Variants in JADE3 observed in about 807,000 individuals in gnomAD.
The protein encoded by JADE3 is jade family PHD finger 3, also known as protein Jade-3.
Under a neutral mutation model 50.1 loss-of-function variants are expected in JADE3, and 2 were observed. That is an observed-to-expected ratio of 0.04 (90% CI 0.02 to 0.13). JADE3 has a LOEUF of 0.13. Ranked by LOEUF, JADE3 falls within the 10% of genes least tolerant of loss-of-function variation. The pLI is 1.00. For synonymous variants in JADE3, 218 were observed against 232.9 expected, an observed-to-expected ratio of 0.94 and a Z score of 0.58; for missense variants, 475 against 634.4, an observed-to-expected ratio of 0.75 and a Z score of 2.70.
intron 4 of JADE3, among the ~76,000 whole-genome samples, chrX:47,023,930 C>T (rs1928851465): frequency 1.8e-5 from 2 of 112,090 alleles, no homozygotes; most frequent in South Asian, 3.7e-4. Context: ...AACAAACAAA[C>T]AAATAAAGTA....
At chrX:46,945,200 C>T (rs1210779346) in intron 1 of JADE3, among the ~76,000 whole-genome samples, 1 of 109,816 alleles carries the variant, frequency 9.1e-6, no homozygotes, top group Non-Finnish European at 1.9e-5. Flanking sequence ...ATACAGCTGT[C>T]CTAAATGCCC....
chrX:46,983,011 A>G (rs782665148), intron 1 of JADE3, among the ~76,000 whole-genome samples: 18 of 110,746 alleles, frequency 1.6e-4, no homozygotes, highest in Non-Finnish European at 3.2e-4. Context: ...TGTTTTAATC[A>G]TGTCCTGGAA....
At position 47,054,271 on chromosome X, in the gene JADE3, C is replaced by T. The variant is rs782409483; in HGVS notation, c.1086C>T (p.Cys362=). 7.4e-6 allele frequency: 9 copies of T among 1,208,603 alleles called. No homozygotes were observed. In the South Asian group the frequency reaches 1.1e-4, roughly 14 times the overall value. Residue 362 remains cysteine, a synonymous_variant, in exon 9 of 11, where the codon TGC becomes TGT. Coordinates refer to ENST00000614628, the MANE Select transcript of JADE3 (RefSeq NM_014735.5). ...ACGAAGTGAAGTTCAAGTCATATTG[C>T]CTCAAGCATAGCCAAAACAGGCAGA... ...EGDEVKFKSY[C]LKHSQNRQKL...
intron 1 of JADE3, among the ~76,000 whole-genome samples, chrX:46,945,056 A>G (rs781923276): frequency 9.5e-6 from 1 of 105,526 alleles, no homozygotes; most frequent in South Asian, 4.4e-4. Flanking sequence ...AGATTTCACC[A>G]TGTTGCCCAG....
chrX:46,957,140 T>C (rs1927144277), intron 1 of JADE3, among the ~76,000 whole-genome samples: 1 of 111,336 alleles, frequency 9.0e-6, no homozygotes, highest in Admixed American at 9.6e-5. Context: ...GACTAAAACA[T>C]TACAGAAATG....
At chrX:47,005,106 C>T (rs1928381730) in intron 4 of JADE3, among the ~76,000 whole-genome samples, 1 of 111,441 alleles carries the variant, frequency 9.0e-6, no homozygotes, top group South Asian at 3.8e-4. Context: ...CTTTTTGTTC[C>T]CAGAGTTGGT....
At chrX:46,953,797 G>A (rs1017653084) in intron 1 of JADE3, among the ~76,000 whole-genome samples, 47 of 111,661 alleles carry the variant, frequency 4.2e-4, no homozygotes, top group African/African-American at 1.5e-3. Flanking sequence ...TCTTTGTGTA[G>A]CATATCATTG....
intron 4 of JADE3, among the ~76,000 whole-genome samples, chrX:47,004,433 CT>C (rs782151712): frequency 1.8e-5 from 2 of 111,100 alleles, no homozygotes; most frequent in African/African-American, 6.5e-5. Context: ...AATTTGAGTT[CT>C]TTTTTTTGTT....
intron 1 of JADE3, among the ~76,000 whole-genome samples, chrX:46,946,043 G>A (rs782182565): frequency 8.9e-6 from 1 of 111,878 alleles, no homozygotes; most frequent in South Asian, 3.8e-4. Context: ...CTTCAGAGTA[G>A]CAGGTAAAGA....
intron 1 of JADE3, among the ~76,000 whole-genome samples, chrX:46,967,808 T>C (rs1351220787): frequency 2.7e-5 from 3 of 112,122 alleles, no homozygotes; most frequent in African/African-American, 9.7e-5. Context: ...TTTTATTTCT[T>C]CTCGAGTTAC....
intron 4 of JADE3, among the ~76,000 whole-genome samples, chrX:47,012,631 T>G (rs5952983): frequency 0.12 from 13,202 of 110,283 alleles, 1,565 homozygotes; most frequent in African/African-American, 0.37. Context: ...TGTTTTTTTT[T>G]TTGTTGTTGT....
chrX:46,952,814 A>G (rs1310204493), intron 1 of JADE3, among the ~76,000 whole-genome samples: 2 of 111,710 alleles, frequency 1.8e-5, no homozygotes, highest in African/African-American at 3.3e-5. Flanking sequence ...CCTGGCCAAC[A>G]TGGTGAAACC....
chrX:47,054,741 C>T (rs1929600070), intron 9 of JADE3, 113 bp downstream of exon 9: 1 of 466,933 alleles, frequency 2.1e-6, no homozygotes, highest in Non-Finnish European at 3.6e-6. Flanking sequence ...CTTCTGTGTC[C>T]TTGCTTATCT....
chrX:46,967,506 T>C lies in JADE3; in HGVS notation c.-11-17378T>C, dbSNP rs113685609. Among the ~76,000 whole-genome samples the C allele has an allele frequency of 7.7e-3, 864 of 111,868 alleles. 10 individuals carry two copies. The highest frequency in any genetic ancestry group is 0.026 in the African/African-American group (803 of 30,805). On this transcript the variant is annotated intron_variant, in intron 1 of 10. Coordinates refer to ENST00000614628, the MANE Select transcript of JADE3 (RefSeq NM_014735.5). Reference sequence around the variant, plus strand: ...TTTCATATTCCTATCTGGATGTTTTTGGTTTTCTAGGGCCAAGGGGAGGTA... The same window carrying C: ...TTTCATATTCCTATCTGGATGTTTTCGGTTTTCTAGGGCCAAGGGGAGGTA...
chrX:47,020,601 C>G (rs1928774497), intron 4 of JADE3, among the ~76,000 whole-genome samples: 1 of 111,848 alleles, frequency 8.9e-6, no homozygotes, highest in Admixed American at 9.5e-5. Context: ...GTTGGTGTTA[C>G]TGTTTTAGTA....
At chrX:46,978,153 A>G (rs1281015372) in intron 1 of JADE3, among the ~76,000 whole-genome samples, 2 of 111,873 alleles carry the variant, frequency 1.8e-5, no homozygotes, top group Non-Finnish European at 3.8e-5. Context: ...GCCACATTGG[A>G]AGAATTCTCT....
intron 1 of JADE3, among the ~76,000 whole-genome samples, chrX:46,971,753 G>A (rs937502111): frequency 1.9e-5 from 2 of 105,894 alleles, no homozygotes; most frequent in South Asian, 4.4e-4. Context: ...CTGAGATTGC[G>A]CTACTGCACT....
At chrX:46,982,640 T>C (rs1220183178) in intron 1 of JADE3, among the ~76,000 whole-genome samples, 1 of 111,043 alleles carries the variant, frequency 9.0e-6, no homozygotes, top group Non-Finnish European at 1.9e-5. Flanking sequence ...TATTGAAGTC[T>C]ATTTCCTCAA....
intron 1 of JADE3, among the ~76,000 whole-genome samples, chrX:46,931,612 G>A (rs782649488): frequency 9.1e-6 from 1 of 109,946 alleles, no homozygotes; most frequent in South Asian, 3.9e-4. Context: ...TAGTAGAGAC[G>A]GGGGTTTCAC....
Sources: allele counts gnomAD v4.1 joint callset (sites outside exome capture counted in the v4.1 genomes callset), GRCh38; gene constraint gnomAD v4.1.1; transcripts MANE v1.5; gene names NCBI Gene and HGNC (gene_info 2026-07-23, HGNC 2026-07-21).